HYCC1: variants seen among roughly 807,000 people sequenced by gnomAD.
The protein encoded by HYCC1 is hyccin PI4KA lipid kinase complex subunit 1, also known as hyccin.
chr7:22,953,648 G>A, the HYCC1 span, among the ~76,000 whole-genome samples: 10 of 151,724 alleles, frequency 6.6e-5, no homozygotes, highest in Non-Finnish European at 8.8e-5. Flanking sequence ...TGGTTAATAT[G>A]TCTTTTTTCC....
chr7:22,984,627 T>C, the HYCC1 span, among the ~76,000 whole-genome samples: 1 of 151,944 alleles, frequency 6.6e-6, no homozygotes, highest in Non-Finnish European at 1.5e-5. Context: ...GAAGCTAAGG[T>C]GGGAAGATGG....
chr7:23,001,988 C>T, the HYCC1 span, among the ~76,000 whole-genome samples: 11 of 151,154 alleles, frequency 7.3e-5, no homozygotes, highest in Admixed American at 2.6e-4. Flanking sequence ...TGCCTCCAAA[C>T]GATGAAAGAG....
At chr7:22,909,877 C>G in the HYCC1 span, among the ~76,000 whole-genome samples, 1 of 152,188 alleles carries the variant, frequency 6.6e-6, no homozygotes. Flanking sequence ...TATGCTAGTT[C>G]TCTTAGGACA....
At chr7:22,921,126 T>C in the HYCC1 span, among the ~76,000 whole-genome samples, 1 of 152,216 alleles carries the variant, frequency 6.6e-6, no homozygotes, top group Non-Finnish European at 1.5e-5. Context: ...GCCTCAGGTA[T>C]TTCTTTATAG....
the HYCC1 span, among the ~76,000 whole-genome samples, chr7:22,985,991 A>G: frequency 1.3e-5 from 2 of 150,390 alleles, no homozygotes; most frequent in African/African-American, 4.9e-5. Flanking sequence ...CAAAATATAA[A>G]TGTTTAAAAA....
the HYCC1 span, among the ~76,000 whole-genome samples, chr7:22,997,236 G>A: frequency 1.3e-5 from 2 of 151,976 alleles, no homozygotes; most frequent in Non-Finnish European, 2.9e-5. Context: ...TATTTTATAA[G>A]AATATTTTAA....
At chr7:22,917,752 G>C in the HYCC1 span, among the ~76,000 whole-genome samples, 1 of 152,164 alleles carries the variant, frequency 6.6e-6, no homozygotes, top group Admixed American at 6.5e-5. Flanking sequence ...GTGGCTCCTG[G>C]TTTTACCTCA....
At chr7:22,998,220 A>T in the HYCC1 span, among the ~76,000 whole-genome samples, 1 of 152,236 alleles carries the variant, frequency 6.6e-6, no homozygotes, top group South Asian at 2.1e-4. Flanking sequence ...AAAAGAATGC[A>T]GCAAACAGAA....
At chr7:22,919,520 T>C in the HYCC1 span, among the ~76,000 whole-genome samples, 3 of 151,884 alleles carry the variant, frequency 2.0e-5, no homozygotes, top group Non-Finnish European at 4.4e-5. Context: ...CAGAGGAAGA[T>C]TCTGTCTCAA....
At chr7:22,970,350 C>A in the HYCC1 span, among the ~76,000 whole-genome samples, 52 of 152,272 alleles carry the variant, frequency 3.4e-4, no homozygotes, top group African/African-American at 1.3e-3. Context: ...CTTATCAAAT[C>A]ATAAATCTGA....
At chr7:23,011,488 C>T in the HYCC1 span, among the ~76,000 whole-genome samples, 4 of 152,322 alleles carry the variant, frequency 2.6e-5, no homozygotes, top group South Asian at 8.3e-4. Context: ...CCTTTCTTCT[C>T]ATAGGTGATT....
the HYCC1 span, among the ~76,000 whole-genome samples, chr7:22,909,707 A>C: frequency 6.6e-6 from 1 of 152,128 alleles, no homozygotes; most frequent in African/African-American, 2.4e-5. Context: ...TTCCTCCTGT[A>C]GTTCCCTCTG....
At chr7:22,964,478 C>T in the HYCC1 span, 106 of 1,611,200 alleles carry the variant, frequency 6.6e-5, no homozygotes, top group Non-Finnish European at 8.7e-5. Context: ...TATCCTGCTA[C>T]TTATACCTTT....
the HYCC1 span, among the ~76,000 whole-genome samples, chr7:22,930,838 A>C: frequency 6.6e-6 from 1 of 152,160 alleles, no homozygotes; most frequent in East Asian, 1.9e-4. Flanking sequence ...CATTCAAAAA[A>C]TAAATTAATG....
At chr7:23,012,629 C>A in the HYCC1 span, among the ~76,000 whole-genome samples, 1 of 152,094 alleles carries the variant, frequency 6.6e-6, no homozygotes, top group Non-Finnish European at 1.5e-5. Flanking sequence ...TCTTTGCCTG[C>A]ACTTCAAAAA....
At chr7:22,960,121 G>T in the HYCC1 span, 1 of 862,180 alleles carries the variant, frequency 1.2e-6, no homozygotes. Context: ...TAATAAATTA[G>T]GAGTTAAGGG....
chr7:22,919,050 T>C, the HYCC1 span, among the ~76,000 whole-genome samples: 1 of 152,146 alleles, frequency 6.6e-6, no homozygotes, highest in East Asian at 1.9e-4. Flanking sequence ...AACAATGTAT[T>C]ACCTAAAATG....
At chr7:22,934,049 T>C in the HYCC1 span, among the ~76,000 whole-genome samples, 1 of 152,160 alleles carries the variant, frequency 6.6e-6, no homozygotes. Context: ...CTCCTGTTTG[T>C]ATCTCTACAG....
the HYCC1 span, among the ~76,000 whole-genome samples, chr7:22,972,330 G>A: frequency 1.3e-5 from 2 of 152,118 alleles, no homozygotes; most frequent in Non-Finnish European, 2.9e-5. Context: ...GTGAGGAGAG[G>A]CAGGGATTCA....
Sources: gnomAD v4.1 joint callset for allele counts (sites outside exome capture counted in the v4.1 genomes callset) on GRCh38, gnomAD v4.1.1 for gene constraint, MANE v1.5 for transcripts, NCBI Gene and HGNC (gene_info 2026-07-23, HGNC 2026-07-21) for gene names.